The following ERCC6L2 variants were observed in gnomAD, a reference collection of about 807,000 sequenced individuals.
ERCC6L2 encodes the protein ERCC excision repair 6 like 2, also known as DNA excision repair protein ERCC-6-like 2.
ERCC6L2 carries 77 observed loss-of-function variants against 132.0 expected under a neutral mutation model. The ratio of observed to expected loss-of-function variants is 0.58; its 90% CI spans 0.49 to 0.71. ERCC6L2 has a LOEUF of 0.71. Among genes scored for constraint, ERCC6L2 ranks in the 30% least tolerant of loss-of-function variants. ERCC6L2 has a pLI of 0.00. For missense variants in ERCC6L2, 1,542 were observed against 1,837.6 expected (o/e 0.84, Z 2.94); for synonymous variants, 583 against 632.4 (o/e 0.92, Z 1.17).
chr9:95,965,630 C>T (rs1359939087), intron 13 of ERCC6L2, among the ~76,000 whole-genome samples: 1 of 151,980 alleles, frequency 6.6e-6, no homozygotes, highest in African/African-American at 2.4e-5. Context: ...CTCAGCCTCC[C>T]GAGTAGCTGG....
intron 17 of ERCC6L2, among the ~76,000 whole-genome samples, chr9:96,001,358 A>C (rs1833671564): frequency 6.6e-6 from 1 of 152,070 alleles, no homozygotes. Flanking sequence ...CTGTTTTGTC[A>C]GGGCGCTGAT....
At chr9:95,882,655 G>A (rs893198679) in intron 2 of ERCC6L2, among the ~76,000 whole-genome samples, 1 of 147,254 alleles carries the variant, frequency 6.8e-6, no homozygotes, top group Non-Finnish European at 1.5e-5. Context: ...GATGGAATAA[G>A]GAAAAAGAAA....
chr9:95,946,180 T>C (rs957103083), intron 12 of ERCC6L2, among the ~76,000 whole-genome samples: 3 of 152,142 alleles, frequency 2.0e-5, no homozygotes, highest in Non-Finnish European at 4.4e-5. Context: ...TTATATATGA[T>C]GAGAAACAGA....
chr9:95,932,167 G>A (rs981385668), intron 11 of ERCC6L2, among the ~76,000 whole-genome samples: 1 of 151,470 alleles, frequency 6.6e-6, no homozygotes, highest in Non-Finnish European at 1.5e-5. Context: ...CGGATTTCAA[G>A]CAATTCTCCT....
At chr9:96,020,471 A>G (rs1834266688), downstream of ERCC6L2, 1 of 320,792 alleles carries the variant, frequency 3.1e-6, no homozygotes, top group Non-Finnish European at 6.1e-6. Context: ...GCAAAGGGCA[A>G]ACCGAATCGG....
intron 17 of ERCC6L2, among the ~76,000 whole-genome samples, chr9:95,981,788 G>A (rs1165049305): frequency 6.6e-6 from 1 of 152,132 alleles, no homozygotes; most frequent in African/African-American, 2.4e-5. Flanking sequence ...TCAGTCAACT[G>A]CACGTTTTCA....
chr9:95,880,481 C>G (rs1232033372), intron 1 of ERCC6L2, among the ~76,000 whole-genome samples: 1 of 152,122 alleles, frequency 6.6e-6, no homozygotes, highest in African/African-American at 2.4e-5. Flanking sequence ...GCTCTCAACC[C>G]TGGCTGTGCG....
At chr9:96,040,660 C>G (rs1224593611) in intron 20 of ERCC6L2, among the ~76,000 whole-genome samples, 1 of 152,250 alleles carries the variant, frequency 6.6e-6, no homozygotes, top group African/African-American at 2.4e-5. Context: ...CCTGCCATGA[C>G]TCTTATGTCC....
intron 17 of ERCC6L2, among the ~76,000 whole-genome samples, chr9:95,981,111 G>C (rs559355701): frequency 1.3e-5 from 2 of 152,246 alleles, no homozygotes; most frequent in African/African-American, 4.8e-5. Context: ...CAGTGTACCA[G>C]TATTTCAATT....
intron 11 of ERCC6L2, among the ~76,000 whole-genome samples, chr9:95,940,545 G>T (rs1484735345): frequency 1.3e-5 from 2 of 152,002 alleles, no homozygotes; most frequent in Non-Finnish European, 2.9e-5. Flanking sequence ...TTATTTTGTT[G>T]TCCTCCTGAA....
chr9:95,953,862 A>T (rs955952908), intron 12 of ERCC6L2, among the ~76,000 whole-genome samples: 2 of 152,172 alleles, frequency 1.3e-5, no homozygotes, highest in Admixed American at 1.3e-4. Flanking sequence ...AGAAACACTT[A>T]AGCAGAAAGG....
intron 13 of ERCC6L2, among the ~76,000 whole-genome samples, chr9:95,965,355 T>C (rs887529583): frequency 6.6e-6 from 1 of 152,108 alleles, no homozygotes; most frequent in Non-Finnish European, 1.5e-5. Context: ...TGAGATGATA[T>C]AAGGTTGTAA....
At chr9:96,028,447 G>A (rs564963953) in intron 19 of ERCC6L2, among the ~76,000 whole-genome samples, 1 of 152,292 alleles carries the variant, frequency 6.6e-6, no homozygotes, top group Admixed American at 6.5e-5. Flanking sequence ...ATGAGCCACA[G>A]GTCTTGTTTT....
intron 13 of ERCC6L2, among the ~76,000 whole-genome samples, 154 bp from the exon 14 acceptor site, chr9:95,966,408 G>A (rs1035560116): frequency 7.2e-5 from 11 of 152,240 alleles, no homozygotes; most frequent in African/African-American, 2.6e-4. Flanking sequence ...CACCATAATG[G>A]CAACATCTGC....
At chr9:96,035,555 C>A (rs557015180) in intron 19 of ERCC6L2, among the ~76,000 whole-genome samples, 2 of 152,294 alleles carry the variant, frequency 1.3e-5, no homozygotes, top group African/African-American at 2.4e-5. Context: ...AGAGGAGCTA[C>A]CCTCTCCAGG....
intron 2 of ERCC6L2, among the ~76,000 whole-genome samples, chr9:95,882,760 T>G (rs1411137432): frequency 6.6e-6 from 1 of 152,196 alleles, no homozygotes; most frequent in Non-Finnish European, 1.5e-5. Context: ...ATATTACCAT[T>G]AACCATACTC....
chr9:95,954,057 A>G (rs1013470251), intron 12 of ERCC6L2, among the ~76,000 whole-genome samples: 1 of 152,238 alleles, frequency 6.6e-6, no homozygotes, highest in Non-Finnish European at 1.5e-5. Flanking sequence ...CAGAATATCC[A>G]TATGTGATAG....
intron 12 of ERCC6L2, among the ~76,000 whole-genome samples, chr9:95,942,909 A>G (rs114653705): frequency 2.0e-4 from 31 of 152,306 alleles, no homozygotes; most frequent in African/African-American, 7.5e-4. Flanking sequence ...AGAATGATTT[A>G]TAAAAACTGC....
chr9:95,960,081 G>C (rs146512199), intron 13 of ERCC6L2, among the ~76,000 whole-genome samples: 18 of 152,210 alleles, frequency 1.2e-4, no homozygotes, highest in Middle Eastern at 3.4e-3. Context: ...GGTGTCTACT[G>C]TCAAGTGAGA....
Sources: gnomAD v4.1 joint callset for allele counts (sites outside exome capture counted in the v4.1 genomes callset) on GRCh38, gnomAD v4.1.1 for gene constraint, MANE v1.5 for transcripts, NCBI Gene and HGNC (gene_info 2026-07-23, HGNC 2026-07-21) for gene names.